The following CAMK1D variants were observed in gnomAD, a reference collection of about 807,000 sequenced individuals.
The protein encoded by CAMK1D is calcium/calmodulin-dependent protein kinase type 1D.
Under a neutral mutation model 47.7 loss-of-function variants are expected in CAMK1D, and 9 were observed. That is an observed-to-expected ratio of 0.19 (90% CI 0.11 to 0.33). The LOEUF is 0.33. Among genes scored for constraint, CAMK1D ranks in the 10% least tolerant of loss-of-function variants. CAMK1D has a pLI of 1.00. For missense variants in CAMK1D, 291 were observed against 488.7 expected (o/e 0.60, Z 3.81); for synonymous variants, 184 against 184.9 (o/e 0.99, Z 0.04).
chr10:12,443,625 A>G (rs534311866), intron 1 of CAMK1D, among the ~76,000 whole-genome samples: 2 of 151,850 alleles, frequency 1.3e-5, no homozygotes, highest in East Asian at 3.9e-4. Flanking sequence ...TTCCTATTTT[A>G]TTTTATTTTT....
chr10:12,802,775 C>T (rs952966398), intron 6 of CAMK1D, among the ~76,000 whole-genome samples: 9 of 152,228 alleles, frequency 5.9e-5, no homozygotes, highest in African/African-American at 2.2e-4. Context: ...CCACCGTGGC[C>T]TCCCAAAGTG....
chr10:12,435,714 A>T (rs1288261191), intron 1 of CAMK1D, among the ~76,000 whole-genome samples: 1 of 152,074 alleles, frequency 6.6e-6, no homozygotes, highest in African/African-American at 2.4e-5. Flanking sequence ...TTAACAGATG[A>T]GGGATGTAGG....
At chr10:12,758,918 GC>G (rs1434168874) in intron 3 of CAMK1D, among the ~76,000 whole-genome samples, 3 of 152,210 alleles carry the variant, frequency 2.0e-5, no homozygotes, top group African/African-American at 7.2e-5. Flanking sequence ...CTGGAAGGGG[GC>G]CTATGTGGAA....
At chr10:12,491,762 C>T (rs1301293986) in intron 1 of CAMK1D, among the ~76,000 whole-genome samples, 1 of 151,956 alleles carries the variant, frequency 6.6e-6, no homozygotes, top group Non-Finnish European at 1.5e-5. Flanking sequence ...CCACGATTCT[C>T]AGTCTCCTTC....
chr10:12,705,015 G>A (rs568938954), intron 3 of CAMK1D, among the ~76,000 whole-genome samples: 5 of 152,144 alleles, frequency 3.3e-5, no homozygotes, highest in African/African-American at 1.2e-4. Context: ...GTAGTGATCA[G>A]GGATCAGTTA....
intron 1 of CAMK1D, among the ~76,000 whole-genome samples, chr10:12,430,078 A>G (rs1840388863): frequency 6.6e-6 from 1 of 151,970 alleles, no homozygotes; most frequent in African/African-American, 2.4e-5. Context: ...TCTTTGTCAT[A>G]CATAATGACA....
At chr10:12,652,475 C>G (rs370459217) in intron 2 of CAMK1D, among the ~76,000 whole-genome samples, 22 of 150,110 alleles carry the variant, frequency 1.5e-4, no homozygotes, top group Admixed American at 7.3e-4. Context: ...GTAGTCCCAG[C>G]TACTTGGGAG....
intron 1 of CAMK1D, among the ~76,000 whole-genome samples, chr10:12,547,090 C>T (rs906161218): frequency 2.0e-5 from 3 of 152,066 alleles, no homozygotes; most frequent in African/African-American, 7.2e-5. Flanking sequence ...CAGATGAAAC[C>T]TTGGGGGCCC....
chr10:12,631,535 C>T (rs982075048), intron 2 of CAMK1D, among the ~76,000 whole-genome samples: 1 of 152,184 alleles, frequency 6.6e-6, no homozygotes, highest in Admixed American at 6.5e-5. Flanking sequence ...CCAATGGAAA[C>T]TGGACACAGC....
At chr10:12,368,237 G>T (rs1023124717) in intron 1 of CAMK1D, among the ~76,000 whole-genome samples, 1 of 151,822 alleles carries the variant, frequency 6.6e-6, no homozygotes, top group Admixed American at 6.6e-5. Context: ...TTTATTGTCC[G>T]GGCACAGTGG....
In CAMK1D at chr10:12,527,839, T is replaced by C. The variant is rs1835677464; in HGVS notation, c.93-25386T>C. Among the ~76,000 whole-genome samples the C allele has an allele frequency of 2.0e-5, 3 of 152,352 alleles. No homozygotes were observed. The South Asian group carries it at 6.2e-4, about 32-fold the overall frequency. On this transcript the variant is annotated intron_variant, in intron 1 of 10. Coordinates refer to ENST00000619168, the MANE Select transcript of CAMK1D (RefSeq NM_153498.4). ...TGGTTTTTGTATTCTGTGCAGAAAT[T>C]TAACCTGTAATTAGTGGGCGGCATG...
At chr10:12,564,769 G>A (rs1402477466) in intron 2 of CAMK1D, among the ~76,000 whole-genome samples, 1 of 152,064 alleles carries the variant, frequency 6.6e-6, no homozygotes, top group Non-Finnish European at 1.5e-5. Context: ...CACATAAAAG[G>A]GTATCTTTTA....
intron 1 of CAMK1D, among the ~76,000 whole-genome samples, chr10:12,538,020 G>T (rs1343906893): frequency 6.6e-6 from 1 of 152,116 alleles, no homozygotes; most frequent in African/African-American, 2.4e-5. Context: ...CAAATGCTAG[G>T]CCGAAGAACA....
intron 1 of CAMK1D, among the ~76,000 whole-genome samples, chr10:12,496,016 A>G (rs1376838300): frequency 6.6e-6 from 1 of 151,624 alleles, no homozygotes; most frequent in African/African-American, 2.4e-5. Flanking sequence ...TTTTGTAGAG[A>G]TGGGGTTTCA....
chr10:12,747,589 G>T (rs1195516720), intron 3 of CAMK1D, among the ~76,000 whole-genome samples: 1 of 152,166 alleles, frequency 6.6e-6, no homozygotes, highest in East Asian at 1.9e-4. Flanking sequence ...TGGCTTCCCA[G>T]AGTGCTAGGA....
At chr10:12,591,360 C>T in intron 2 of CAMK1D, among the ~76,000 whole-genome samples, 1 of 152,136 alleles carries the variant, frequency 6.6e-6, no homozygotes, top group East Asian at 1.9e-4. Flanking sequence ...ACAGAGAAGG[C>T]CAAATATGCT....
At chr10:12,457,581 G>C (rs1833291738) in intron 1 of CAMK1D, among the ~76,000 whole-genome samples, 1 of 138,924 alleles carries the variant, frequency 7.2e-6, no homozygotes, top group Non-Finnish European at 1.6e-5. Flanking sequence ...AAGAGATTGA[G>C]ATTATCCTGG....
At chr10:12,798,852 C>T (rs1838303899) in intron 6 of CAMK1D, among the ~76,000 whole-genome samples, 1 of 152,166 alleles carries the variant, frequency 6.6e-6, no homozygotes, top group African/African-American at 2.4e-5. Flanking sequence ...ACTGTGCACA[C>T]AGAAGAATCA....
At chr10:12,449,302 G>C (rs1833012230) in intron 1 of CAMK1D, among the ~76,000 whole-genome samples, 1 of 152,118 alleles carries the variant, frequency 6.6e-6, no homozygotes, top group African/African-American at 2.4e-5. Flanking sequence ...GCTGTGTGAA[G>C]GGCCCCGTCG....
Sources: allele counts gnomAD v4.1 joint callset (sites outside exome capture counted in the v4.1 genomes callset), GRCh38; gene constraint gnomAD v4.1.1; transcripts MANE v1.5; gene names NCBI Gene and HGNC (gene_info 2026-07-23, HGNC 2026-07-21).